Variants in YJU2 observed in about 807,000 individuals in gnomAD.
YJU2 encodes the protein splicing factor YJU2.
A neutral mutation model predicts 39.6 loss-of-function variants in YJU2; 28 were observed. The ratio of observed to expected loss-of-function variants is 0.71; its 90% confidence interval spans 0.52 to 0.97. The LOEUF is 0.97. Ranked by LOEUF, YJU2 falls within the 50% of genes least tolerant of loss-of-function variation. The pLI, the probability that YJU2 is intolerant of heterozygous loss-of-function variation, is 0.00. For synonymous variants in YJU2, 184 were observed against 182.4 expected (o/e 1.01, Z -0.07); for missense variants, 328 against 430.4 (o/e 0.76, Z 2.11).
In YJU2 at chr19:4,265,135, T is replaced by G. The variant is rs180763267; in HGVS notation, c.709-2489T>G. Among the ~76,000 whole-genome samples, 9 of 152,320 alleles carry G rather than the reference T, an allele frequency of 5.9e-5. No homozygotes were observed. In the East Asian group the frequency reaches 1.7e-3, roughly 29 times the overall value. On this transcript the variant is annotated intron_variant, in intron 6 of 7. Transcript: ENST00000262962. ...CTCAGTCTTGTGCCTCTACCTGATT[T>G]GATAGCAGGTGTTTTATTTGGTTTT...
chr19:4,247,644 T>G (rs1568359648), intron 1 of YJU2, among the ~76,000 whole-genome samples: 1 of 54,724 alleles, frequency 1.8e-5, no homozygotes. Context: ...TGTGTGTGTG[T>G]GTGTGTGTGT....
chr19:4,268,718 G>C lies in YJU2; in HGVS notation c.*22G>C, dbSNP rs374326927. On this transcript the variant is annotated 3_prime_UTR_variant, in exon 8 of 8. Transcript: ENST00000262962. ...CTGAGCCCTCCCAGGACCCCCTCAC[G>C]GGGTCAAAGTCACACGTCCAGCTTC... 1.4e-5 allele frequency: 21 copies of C among 1,552,662 alleles called. No individual in the cohort carries two copies. In the African/African-American group the frequency reaches 2.7e-4, roughly 20 times the overall value.
chr19:4,261,144 T>A (rs985400792), intron 5 of YJU2, among the ~76,000 whole-genome samples: 5 of 152,156 alleles, frequency 3.3e-5, no homozygotes, highest in African/African-American at 2.4e-5. Flanking sequence ...TTCTCCTGCC[T>A]TGGCCTCTAA....
intron 6 of YJU2, among the ~76,000 whole-genome samples, chr19:4,266,634 C>A (rs192488152): frequency 6.6e-6 from 1 of 152,242 alleles, no homozygotes; most frequent in Non-Finnish European, 1.5e-5. Context: ...GGGCAGAGCA[C>A]CCATTGGGAC....
chr19:4,263,809 CAAAAAA>C (rs34863832), intron 6 of YJU2, among the ~76,000 whole-genome samples: 5 of 98,386 alleles, frequency 5.1e-5, no homozygotes, highest in African/African-American at 1.1e-4. Flanking sequence ...GACTCTATCT[CAAAAAA>C]AAAAAAAAAA....
At chr19:4,247,256 T>C in intron 1 of YJU2, 86 bp downstream of exon 1, 2 of 1,223,666 alleles carry the variant, frequency 1.6e-6, no homozygotes, top group East Asian at 2.4e-5. Flanking sequence ...AGATCTCTTC[T>C]TTGGAACCCT....
At position 4,259,071 on chromosome 19, in the gene YJU2, C is replaced by CTTTTTT. The variant is rs34728075; in HGVS notation, c.587+672_587+677dup. Among the ~76,000 whole-genome samples the CTTTTTT allele has an allele frequency of 1.6e-3, 145 of 90,308 alleles. 7 individuals are homozygous for CTTTTTT. Among genetic ancestry groups the CTTTTTT allele is most frequent in the African/African-American group, 3.6e-3 (70 of 19,406 alleles). The allele number at this position is 90,308 out of a possible 152,430, so 59.2% of individuals were successfully genotyped here. On this transcript the variant is annotated intron_variant, in intron 5 of 7. Transcript: ENST00000262962. ...TCAGGCCTCCTGGGTGAACACTTTT[C>CTTTTTT]TTTTTTTTTTTTTTTTTTTTTTTTT...
intron 6 of YJU2, among the ~76,000 whole-genome samples, chr19:4,266,075 T>A (rs1971113221): frequency 1.3e-5 from 2 of 151,680 alleles, no homozygotes; most frequent in African/African-American, 4.8e-5. Context: ...TGCCTCAGTC[T>A]CCCGAGTAGC....
chr19:4,259,083 T>TTA (rs1568362620), intron 5 of YJU2, among the ~76,000 whole-genome samples: 1 of 131,318 alleles, frequency 7.6e-6, no homozygotes, highest in African/African-American at 2.9e-5. Context: ...TTTTTTTTTT[T>TTA]TTTTTTTTTT....
chr19:4,250,273 TC>T (rs1970964909), intron 2 of YJU2, among the ~76,000 whole-genome samples: 1 of 152,098 alleles, frequency 6.6e-6, no homozygotes, highest in South Asian at 2.1e-4. Context: ...TGTCTACTCC[TC>T]CCCCTCATTC....
At chr19:4,259,086 T>C (rs1000304578) in intron 5 of YJU2, among the ~76,000 whole-genome samples, 1 of 134,070 alleles carries the variant, frequency 7.5e-6, no homozygotes, top group Non-Finnish European at 1.6e-5. Context: ...TTTTTTTTTT[T>C]TTTTTTTTTT....
At chr19:4,254,618 A>C in intron 4 of YJU2, 129 bp downstream of exon 4, 1 of 1,342,246 alleles carries the variant, frequency 7.5e-7, no homozygotes, top group African/African-American at 1.5e-5. Flanking sequence ...GGTTGGTAAA[A>C]CTTTAAGATG....
chr19:4,263,273 A>G (rs1295766321), intron 6 of YJU2, among the ~76,000 whole-genome samples: 1 of 152,112 alleles, frequency 6.6e-6, no homozygotes, highest in East Asian at 1.9e-4. Context: ...TCAGGGACTC[A>G]GCCTCCTTCC....
intron 6 of YJU2, among the ~76,000 whole-genome samples, chr19:4,263,073 C>CAAAA (rs748864015): frequency 2.8e-4 from 30 of 106,428 alleles, no homozygotes; most frequent in Middle Eastern, 4.7e-3. Context: ...GACTCTGTCT[C>CAAAA]AAAAAAAAAA....
chr19:4,266,540 C>G (rs1442055460), intron 6 of YJU2, among the ~76,000 whole-genome samples: 2 of 152,108 alleles, frequency 1.3e-5, no homozygotes, highest in African/African-American at 4.8e-5. Context: ...CTCACGCACC[C>G]TGGCTTCTCT....
At chr19:4,266,812 C>T (rs1490199802) in intron 6 of YJU2, among the ~76,000 whole-genome samples, 3 of 152,106 alleles carry the variant, frequency 2.0e-5, no homozygotes, top group Non-Finnish European at 4.4e-5. Flanking sequence ...GAGATCCCGT[C>T]TCTACAAAAA....
In YJU2 at chr19:4,261,886, G is replaced by A. The variant is rs1971073521; in HGVS notation, c.588-108G>A. On this transcript the variant is annotated intron_variant, in intron 5 of 7. Coordinates refer to ENST00000262962, the MANE Select transcript of YJU2 (RefSeq NM_018074.6). Reference sequence around the variant, plus strand: ...TCCCTCCCACCCCTGCTCACTGAGGGCAGGAAGAGGTCTCCAGGCACCCAG... The same window carrying A: ...TCCCTCCCACCCCTGCTCACTGAGGACAGGAAGAGGTCTCCAGGCACCCAG... The A allele has an allele frequency of 3.5e-6, 4 of 1,133,908 alleles. No homozygotes were observed. In the South Asian group the frequency reaches 4.3e-5, roughly 12 times the overall value. 70.2% of individuals were successfully genotyped at this position (1,133,908 alleles called of 1,614,324 possible). A position where few individuals can be genotyped will look rare whatever the true frequency, so the allele number is the denominator to read the frequency against.
chr19:4,263,387 G>A (rs572100291), intron 6 of YJU2, among the ~76,000 whole-genome samples: 88 of 152,296 alleles, frequency 5.8e-4, no homozygotes, highest in Non-Finnish European at 1.8e-4. Context: ...CGCAGCCTCA[G>A]ATGCGGCCCA....
intron 5 of YJU2, among the ~76,000 whole-genome samples, chr19:4,260,521 G>A (rs575792323): frequency 1.3e-5 from 2 of 152,068 alleles, no homozygotes; most frequent in East Asian, 1.9e-4. Flanking sequence ...CGTATCACCT[G>A]AGGTCAGGAG....
Sources: gnomAD v4.1 joint callset for allele counts (sites outside exome capture counted in the v4.1 genomes callset) on GRCh38, gnomAD v4.1.1 for gene constraint, MANE v1.5 for transcripts, NCBI Gene and HGNC (gene_info 2026-07-23, HGNC 2026-07-21) for gene names.